The following ZNF454 variants were observed in gnomAD, a reference collection of about 807,000 sequenced individuals.
ZNF454 encodes zinc finger protein 454.
ZNF454 carries 30 observed loss-of-function variants against 48.2 expected under a neutral mutation model. That is an observed-to-expected ratio of 0.62 (90% CI 0.47 to 0.84). The LOEUF is 0.84. ZNF454 is among the 40% of genes least tolerant of loss of function. The pLI is 0.00. For missense variants in ZNF454, 510 were observed against 623.1 expected, an observed-to-expected ratio of 0.82 and a Z score of 1.93; for synonymous variants, 204 against 211.4, an observed-to-expected ratio of 0.97 and a Z score of 0.30.
At chr5:178,985,632 G>A in the ZNF454 span, 122 of 375,022 alleles carry the variant, frequency 3.3e-4, no homozygotes, top group South Asian at 2.3e-3. Context: ...GAACCCGGAA[G>A]GCAGAGCTTG....
chr5:178,956,720 T>G (rs1233691710), intron 4 of ZNF454, among the ~76,000 whole-genome samples: 4 of 149,674 alleles, frequency 2.7e-5, no homozygotes, highest in African/African-American at 9.9e-5. Flanking sequence ...TATTTATTTA[T>G]TTTGAGACGG....
chr5:178,952,610 G>A (rs765066838), intron 4 of ZNF454, among the ~76,000 whole-genome samples: 6 of 152,166 alleles, frequency 3.9e-5, no homozygotes, highest in Middle Eastern at 3.4e-3. Flanking sequence ...TAGTGCTTTC[G>A]GTGTCCTGTT....
chr5:178,957,205 C>G (rs975413521), intron 4 of ZNF454, among the ~76,000 whole-genome samples: 1 of 151,994 alleles, frequency 6.6e-6, no homozygotes, highest in African/African-American at 2.4e-5. Flanking sequence ...TTTATTCGTC[C>G]TAACTTCCAC....
chr5:178,985,986 T>C, the ZNF454 span: 2 of 730,332 alleles, frequency 2.7e-6, no homozygotes, highest in Non-Finnish European at 4.5e-6. Context: ...GGTCTCGAAC[T>C]CCTGGACTCA....
At chr5:178,986,324 C>T in the ZNF454 span, 1 of 1,614,130 alleles carries the variant, frequency 6.2e-7, no homozygotes, top group Non-Finnish European at 8.5e-7. Context: ...GCCCCAGGCT[C>T]AGCCACCATG....
chr5:178,967,690 G>A (rs1000744925), downstream of ZNF454, among the ~76,000 whole-genome samples: 5 of 150,642 alleles, frequency 3.3e-5, no homozygotes, highest in Non-Finnish European at 5.9e-5. Flanking sequence ...TGGTACAGTC[G>A]TCCTGCAAGT....
chr5:178,953,576 T>G (rs1387160264), intron 4 of ZNF454, among the ~76,000 whole-genome samples: 2 of 152,120 alleles, frequency 1.3e-5, no homozygotes, highest in Non-Finnish European at 2.9e-5. Flanking sequence ...CTCTCTCCTT[T>G]TGGTGGCATA....
the ZNF454 span, chr5:178,981,914 C>T: frequency 3.0e-6 from 3 of 1,002,218 alleles, no homozygotes; most frequent in Admixed American, 1.7e-5. This position sits in a 1 kb window ranked among gnomAD's most constrained non-coding sequence, Gnocchi z 5.1. Flanking sequence ...CCCCGCTCCA[C>T]ACAGTCCTCA....
intron 4 of ZNF454, among the ~76,000 whole-genome samples, chr5:178,959,670 A>G (rs1759918995): frequency 6.6e-6 from 1 of 151,864 alleles, no homozygotes; most frequent in Admixed American, 6.6e-5. Context: ...CAGTGGCACA[A>G]TCTCAGCTCA....
the ZNF454 span, chr5:178,987,050 C>A: frequency 6.7e-7 from 1 of 1,502,638 alleles, no homozygotes; most frequent in Non-Finnish European, 9.1e-7. Flanking sequence ...TGGGGAGGCC[C>A]CAGGGACCAG....
chr5:178,981,661 T>G, the ZNF454 span: 1 of 1,612,902 alleles, frequency 6.2e-7, no homozygotes. This position sits in a 1 kb window ranked among gnomAD's most constrained non-coding sequence, Gnocchi z 5.1. Flanking sequence ...GCCCTGCTAC[T>G]TGTGGGCCTC....
the ZNF454 span, chr5:178,989,603 T>C: frequency 1.5e-6 from 1 of 662,498 alleles, no homozygotes; most frequent in Non-Finnish European, 2.7e-6. Context: ...AGTGGCCAGG[T>C]GAGCTAGGCG....
downstream of ZNF454, chr5:178,968,904 C>T (rs558657738): frequency 1.2e-4 from 55 of 456,384 alleles, no homozygotes; most frequent in Admixed American, 4.5e-4. Context: ...CTAGCGTCAG[C>T]GGCATTAAGT....
chr5:178,953,504 C>G (rs1223866951), intron 4 of ZNF454, among the ~76,000 whole-genome samples: 2 of 152,106 alleles, frequency 1.3e-5, no homozygotes, highest in African/African-American at 4.8e-5. Context: ...CTGAGAATCC[C>G]CTTCTATCCT....
chr5:178,973,864 C>T, the ZNF454 span, among the ~76,000 whole-genome samples: 2 of 142,836 alleles, frequency 1.4e-5, no homozygotes, highest in African/African-American at 2.7e-5. Flanking sequence ...AAAAAAAGGT[C>T]GACTGAAGAA....
rs753623730 is a variant in ZNF454 at position 178,964,947 on chromosome 5, T to C, written c.543T>C (p.Ser181=). The C allele has an allele frequency of 6.2e-7, 1 of 1,614,188 alleles. No individual in the cohort carries two copies. The highest frequency in any genetic ancestry group is 2.2e-5 in the East Asian group (1 of 44,888). Residue 181 remains serine, a synonymous_variant, in exon 5 of 5, where the codon AGT becomes AGC. Transcript: ENST00000519564. ...CTAGCAAAAATGCCTTTGAGTGTAG[T>C]GAGTGTGGAAAAGTCTTCTCTAAGA... ...FQPSKNAFEC[S]ECGKVFSKSS...
Position 178,944,206 on chromosome 5 carries a change from A to C in ZNF454, c.33+1382A>C, listed in dbSNP as rs1296172580. On this transcript the variant is annotated intron_variant, in intron 2 of 4. Transcript: ENST00000519564. This position sits in a 1 kb window ranked among gnomAD's most constrained non-coding sequence, Gnocchi z 4.1. ...GGATGACCAGCTAGGTGGGAGCGCC[A>C]TGTTCAACATAGCACAGCTCACCGG... 6.6e-6 allele frequency among the ~76,000 whole-genome samples: 1 copy of C among 152,182 alleles called. No individual in the cohort carries two copies. Among genetic ancestry groups the C allele is most frequent in the South Asian group, 2.1e-4 (1 of 4,830 alleles).
Position 178,965,408 on chromosome 5 carries a change from A to T in ZNF454, c.1004A>T (p.Lys335Ile). 1 of 1,614,220 alleles carries T rather than the reference A, an allele frequency of 6.2e-7. No homozygotes were observed. Among genetic ancestry groups the T allele is most frequent in the Non-Finnish European group, 8.5e-7 (1 of 1,180,040 alleles). ...EKPYKCNECG[K>I]AFNQSTSFLQ... ...CCCTATAAATGCAATGAATGTGGAA[A>T]AGCCTTTAATCAGAGTACAAGTTTC... The change falls in exon 5 of 5, where the codon AAA (lysine) becomes ATA (isoleucine). Residue 335 changes from lysine to isoleucine, a missense_variant. By Grantham distance (102) the Lys-to-Ile change is moderately radical. Transcript: ENST00000519564. The surrounding 1 kb of genome is among the most constrained non-coding windows in gnomAD (Gnocchi z 5.2).
At chr5:178,968,044 C>T (rs978978833), downstream of ZNF454, among the ~76,000 whole-genome samples, 5 of 151,722 alleles carry the variant, frequency 3.3e-5, no homozygotes, top group African/African-American at 9.7e-5. Flanking sequence ...CGGCCACCTT[C>T]CCCGTCTTTA....
Sources: gnomAD v4.1 joint callset for allele counts (sites outside exome capture counted in the v4.1 genomes callset) on GRCh38, gnomAD v4.1.1 for gene constraint, Gnocchi (gnomAD v3.1) non-coding constraint, MANE v1.5 for transcripts, NCBI Gene and HGNC (gene_info 2026-07-23, HGNC 2026-07-21) for gene names.